The following TENM4 variants were observed in gnomAD, a reference collection of about 807,000 sequenced individuals.
TENM4 encodes teneurin-4.
TENM4 carries 82 observed loss-of-function variants against 243.3 expected under a neutral mutation model. That is an observed-to-expected ratio of 0.34 (90% CI 0.28 to 0.40). TENM4 has a LOEUF of 0.40. Among genes scored for constraint, TENM4 ranks in the 10% least tolerant of loss-of-function variants. TENM4 has a pLI of 1.00. For missense variants in TENM4, 3,138 were observed against 3,673.3 expected (o/e 0.85, Z 3.77); for synonymous variants, 1,412 against 1,456.3 (o/e 0.97, Z 0.69).
intron 1 of TENM4, among the ~76,000 whole-genome samples, chr11:79,334,055 CAT>C (rs1488974166): frequency 1.3e-5 from 2 of 152,204 alleles, no homozygotes. Flanking sequence ...ATCTGTAGTT[CAT>C]GAGAACAGCA....
At chr11:79,225,813 G>A (rs1023513965) in intron 2 of TENM4, among the ~76,000 whole-genome samples, 17 of 152,116 alleles carry the variant, frequency 1.1e-4, no homozygotes, top group South Asian at 4.2e-4. Flanking sequence ...GGTTTGGAGG[G>A]ATGATGGTTC....
chr11:78,859,572 A>C (rs1368017027), intron 10 of TENM4, among the ~76,000 whole-genome samples: 1 of 152,240 alleles, frequency 6.6e-6, no homozygotes, highest in Non-Finnish European at 1.5e-5. Flanking sequence ...TGCACTTCTC[A>C]ATCATAGCCT....
At chr11:79,365,906 A>G (rs994896952) in intron 1 of TENM4, among the ~76,000 whole-genome samples, 1 of 152,220 alleles carries the variant, frequency 6.6e-6, no homozygotes, top group African/African-American at 2.4e-5. Flanking sequence ...GAGCTGGATC[A>G]TATAAGGTCT....
At chr11:79,064,000 T>G (rs112241203) in intron 6 of TENM4, among the ~76,000 whole-genome samples, 82 of 152,316 alleles carry the variant, frequency 5.4e-4, no homozygotes, top group African/African-American at 1.9e-3. Flanking sequence ...TATATATTTA[T>G]AGGGCACAAT....
chr11:79,295,619 G>A (rs930437353), intron 2 of TENM4, among the ~76,000 whole-genome samples: 8 of 152,258 alleles, frequency 5.3e-5, no homozygotes, highest in Middle Eastern at 6.8e-3. Context: ...GAAGCAAAGA[G>A]ATCAGACAAG....
Position 79,027,463 on chromosome 11 carries a change from C to T in TENM4, c.493+37275G>A, listed in dbSNP as rs117610574. Among the ~76,000 whole-genome samples the T allele has an allele frequency of 7.4e-4, 112 of 152,268 alleles. 1 individual carries two copies. Among genetic ancestry groups the T allele is most frequent in the East Asian group, 3.3e-3 (17 of 5,176 alleles). ...AAGTCTAGTAGTTTTTGGCTGAGAG[C>T]GATGTAGGTTAGGTGGCCACAGGGC... On this transcript the variant is annotated intron_variant, in intron 6 of 33. Coordinates refer to ENST00000278550, the MANE Select transcript of TENM4 (RefSeq NM_001098816.3).
rs139352112 is a variant in TENM4 at position 79,392,581 on chromosome 11, G to T, written c.-321+47928C>A. Among the ~76,000 whole-genome samples the T allele has an allele frequency of 5.9e-4, 90 of 152,346 alleles. 1 individual carries two copies. The East Asian group carries it at 0.017, about 28-fold the overall frequency. ...TATAGGCAATCAACCACAGGTCCCG[G>T]CTTCCCAGATTGGGCTGCCTGGGCC... On this transcript the variant is annotated intron_variant, in intron 1 of 33. Coordinates refer to ENST00000278550, the MANE Select transcript of TENM4 (RefSeq NM_001098816.3).
intron 1 of TENM4, among the ~76,000 whole-genome samples, chr11:79,418,833 T>C (rs1417134013): frequency 2.0e-5 from 3 of 152,218 alleles, no homozygotes; most frequent in African/African-American, 7.2e-5. Flanking sequence ...AAGGCAGGGA[T>C]TGGCTTTCCT....
In TENM4 at chr11:78,687,084, G is replaced by T. The variant is rs920231549; in HGVS notation, c.5260+970C>A. 4.6e-5 allele frequency among the ~76,000 whole-genome samples: 7 copies of T among 152,242 alleles called. 1 individual carries two copies. Reference sequence around the variant, plus strand: ...CCTGTGGGGCAGGTGTTAAAATTCAGCCCCCTTTCCCAGACCCAGAGACCA... The same window carrying T: ...CCTGTGGGGCAGGTGTTAAAATTCATCCCCCTTTCCCAGACCCAGAGACCA... On this transcript the variant is annotated intron_variant, in intron 29 of 33. Coordinates refer to ENST00000278550, the MANE Select transcript of TENM4 (RefSeq NM_001098816.3).
At chr11:78,929,481 G>A (rs1856624634) in intron 6 of TENM4, among the ~76,000 whole-genome samples, 1 of 152,160 alleles carries the variant, frequency 6.6e-6, no homozygotes, top group Non-Finnish European at 1.5e-5. Context: ...GAAGGAGAGA[G>A]GGCTAGGGAA....
At chr11:78,952,341 C>A (rs1857124554) in intron 6 of TENM4, among the ~76,000 whole-genome samples, 2 of 152,188 alleles carry the variant, frequency 1.3e-5, no homozygotes, top group South Asian at 2.1e-4. Context: ...AAGGATAGGG[C>A]TCTGGGAAGA....
chr11:78,916,838 A>G (rs1856327337), intron 6 of TENM4, among the ~76,000 whole-genome samples: 1 of 152,222 alleles, frequency 6.6e-6, no homozygotes, highest in African/African-American at 2.4e-5. Context: ...ATCTTGATTT[A>G]AAAAGCAAAC....
chr11:79,069,638 C>A, intron 5 of TENM4, 84 bp downstream of exon 5: 2 of 1,457,828 alleles, frequency 1.4e-6, no homozygotes, highest in Non-Finnish European at 9.1e-7. Flanking sequence ...GCCACGCCCA[C>A]CTGCGCCACG....
At chr11:78,704,567 G>C (rs557127697) in intron 27 of TENM4, among the ~76,000 whole-genome samples, 1 of 152,228 alleles carries the variant, frequency 6.6e-6, no homozygotes, top group South Asian at 2.1e-4. Flanking sequence ...AGAAATGTTT[G>C]CTATGTATTA....
intron 15 of TENM4, among the ~76,000 whole-genome samples, chr11:78,789,696 G>T (rs754819132): frequency 6.6e-4 from 100 of 152,312 alleles, no homozygotes; most frequent in Non-Finnish European, 8.4e-4. Context: ...GGGGCGGGCT[G>T]CTGGGGCCAA....
intron 6 of TENM4, among the ~76,000 whole-genome samples, chr11:78,925,484 A>G (rs916597235): frequency 1.3e-5 from 2 of 152,146 alleles, no homozygotes; most frequent in African/African-American, 4.8e-5. Flanking sequence ...TCAGGGAAGG[A>G]AAATGCAGGA....
At chr11:78,722,297 G>A (rs1417587177) in intron 24 of TENM4, among the ~76,000 whole-genome samples, 1 of 152,216 alleles carries the variant, frequency 6.6e-6, no homozygotes, top group Non-Finnish European at 1.5e-5. Context: ...TTACAGGTAT[G>A]AGCAATGGCA....
At chr11:79,156,807 G>A (rs550066172) in intron 3 of TENM4, among the ~76,000 whole-genome samples, 6 of 152,176 alleles carry the variant, frequency 3.9e-5, no homozygotes, top group Non-Finnish European at 7.3e-5. Context: ...TTTACTCTCT[G>A]CCTTGCTCCA....
chr11:79,433,859 C>A (rs1252508234), intron 1 of TENM4, among the ~76,000 whole-genome samples: 3 of 152,190 alleles, frequency 2.0e-5, no homozygotes, highest in Non-Finnish European at 2.9e-5. Flanking sequence ...ATCAAAGCAG[C>A]ATCTAAACCG....
Sources: gnomAD v4.1 joint callset for allele counts (sites outside exome capture counted in the v4.1 genomes callset) on GRCh38, gnomAD v4.1.1 for gene constraint, MANE v1.5 for transcripts, NCBI Gene and HGNC (gene_info 2026-07-23, HGNC 2026-07-21) for gene names.